The following COP1 variants were observed in gnomAD, a reference collection of about 807,000 sequenced individuals.
COP1 encodes the protein E3 ubiquitin-protein ligase COP1.
In COP1, 24 loss-of-function variants were observed where a neutral mutation model predicts 101.3. The ratio of observed to expected loss-of-function variants is 0.24; its 90% CI spans 0.17 to 0.33. COP1 has a LOEUF of 0.33. Among genes scored for constraint, COP1 ranks in the 10% least tolerant of loss-of-function variants. The pLI, the probability that COP1 is intolerant of heterozygous loss-of-function variation, is 1.00. For synonymous variants in COP1, 347 were observed against 341.9 expected, an observed-to-expected ratio of 1.01 and a Z score of -0.17; for missense variants, 663 against 906.2, an observed-to-expected ratio of 0.73 and a Z score of 3.45.
intron 9 of COP1, among the ~76,000 whole-genome samples, chr1:176,091,644 T>C (rs1681338948): frequency 6.6e-6 from 1 of 152,036 alleles, no homozygotes; most frequent in South Asian, 2.1e-4. Context: ...GCTTAGATGA[T>C]AAGTGTGAAT....
intron 6 of COP1, among the ~76,000 whole-genome samples, chr1:176,139,385 T>C (rs533606408): frequency 4.6e-5 from 7 of 152,182 alleles, no homozygotes; most frequent in Non-Finnish European, 1.0e-4. Flanking sequence ...TCAGCCACTG[T>C]GGAGACCGGA....
intron 15 of COP1, among the ~76,000 whole-genome samples, chr1:176,004,728 T>C (rs1478983398): frequency 1.3e-5 from 2 of 148,668 alleles, no homozygotes; most frequent in African/African-American, 4.9e-5. Context: ...GATAAGCTTT[T>C]TGATGTGCTG....
intron 18 of COP1, among the ~76,000 whole-genome samples, chr1:175,986,673 A>T (rs1657199460): frequency 6.6e-6 from 1 of 152,190 alleles, no homozygotes; most frequent in African/African-American, 2.4e-5. Context: ...TATAGAAGAG[A>T]TATGAACAGA....
chr1:176,130,401 A>G (rs1185866273), intron 8 of COP1, among the ~76,000 whole-genome samples: 1 of 151,776 alleles, frequency 6.6e-6, no homozygotes, highest in East Asian at 1.9e-4. Flanking sequence ...ATGCAACAAT[A>G]AAATGTAAAC....
intron 11 of COP1, among the ~76,000 whole-genome samples, chr1:176,050,784 A>C (rs761748040): frequency 6.6e-6 from 1 of 152,200 alleles, no homozygotes; most frequent in Non-Finnish European, 1.5e-5. Context: ...ACAAGCTTCA[A>C]ATCTCCACTG....
chr1:175,984,718 G>GAGTCT (rs368693583), intron 18 of COP1, among the ~76,000 whole-genome samples: 1 of 152,342 alleles, frequency 6.6e-6, no homozygotes, highest in African/African-American at 2.4e-5. Context: ...CGCCACAGTG[G>GAGTCT]TGGAGGTCTC....
chr1:176,092,852 CAT>C (rs1347950940), intron 9 of COP1, among the ~76,000 whole-genome samples: 2 of 152,248 alleles, frequency 1.3e-5, no homozygotes, highest in Admixed American at 1.3e-4. Flanking sequence ...CTCCTAGGTA[CAT>C]ATCTAGGGAA....
At chr1:175,976,188 T>C (rs992358536) in intron 18 of COP1, among the ~76,000 whole-genome samples, 1 of 151,462 alleles carries the variant, frequency 6.6e-6, no homozygotes, top group Admixed American at 6.6e-5. Flanking sequence ...TTGGGAAAGG[T>C]ATAACTATTT....
chr1:176,096,150 A>T (rs987899875), intron 9 of COP1, among the ~76,000 whole-genome samples: 2 of 152,162 alleles, frequency 1.3e-5, no homozygotes, highest in African/African-American at 4.8e-5. Context: ...TGAACTAAGG[A>T]GAGAGTTCTG....
At chr1:176,082,934 C>T (rs936530541) in intron 10 of COP1, among the ~76,000 whole-genome samples, 2 of 152,084 alleles carry the variant, frequency 1.3e-5, no homozygotes, top group African/African-American at 4.8e-5. Flanking sequence ...TTCATCAAAA[C>T]ACCTAGATTT....
intron 2 of COP1, among the ~76,000 whole-genome samples, chr1:176,184,314 A>G (rs957527635): frequency 6.6e-6 from 1 of 152,166 alleles, no homozygotes; most frequent in Non-Finnish European, 1.5e-5. Flanking sequence ...CAAGTGAGTA[A>G]TTAGTGCTTC....
intron 3 of COP1, among the ~76,000 whole-genome samples, chr1:176,168,047 A>G (rs1558245906): frequency 6.6e-6 from 1 of 151,920 alleles, no homozygotes; most frequent in Non-Finnish European, 1.5e-5. Context: ...GAGAGGTAAG[A>G]AAATTCAATT....
At chr1:176,155,570 T>A (rs1485569005) in intron 5 of COP1, among the ~76,000 whole-genome samples, 1 of 151,946 alleles carries the variant, frequency 6.6e-6, no homozygotes, top group Non-Finnish European at 1.5e-5. Flanking sequence ...GCTGAACAAG[T>A]AATGGCTGAC....
At chr1:176,108,229 G>A (rs1684668288) in intron 9 of COP1, among the ~76,000 whole-genome samples, 2 of 152,124 alleles carry the variant, frequency 1.3e-5, no homozygotes, top group South Asian at 4.2e-4. Flanking sequence ...ACTCTATAAA[G>A]TTCATACATT....
Position 175,944,933 on chromosome 1 carries a change from C to A in COP1, c.*220G>T. 2.0e-6 allele frequency: 1 copy of A among 508,094 alleles called. No individual in the cohort carries two copies. The highest frequency in any genetic ancestry group is 3.5e-5 in the South Asian group (1 of 28,908). The allele number at this position is 508,094 out of a possible 1,614,324, so 31.5% of individuals were successfully genotyped here. On this transcript the variant is annotated 3_prime_UTR_variant, in exon 20 of 20. Coordinates refer to ENST00000367669, the MANE Select transcript of COP1 (RefSeq NM_022457.7). ...TAACACCACCAAGAGCAGCAATGTC[C>A]ATGGAGTTACATTGATGGTGGAGAG...
At chr1:176,120,414 A>T (rs149843047) in intron 8 of COP1, among the ~76,000 whole-genome samples, 58 of 151,954 alleles carry the variant, frequency 3.8e-4, no homozygotes, top group Non-Finnish European at 1.3e-4. Flanking sequence ...GTGACAGGGC[A>T]AGACTCTATC....
At chr1:175,957,481 C>G (rs1233042592) in intron 18 of COP1, among the ~76,000 whole-genome samples, 1 of 152,170 alleles carries the variant, frequency 6.6e-6, no homozygotes, top group African/African-American at 2.4e-5. Context: ...ATGTACTAGG[C>G]TATACCATCC....
chr1:176,151,179 G>C (rs1692371922), intron 5 of COP1, among the ~76,000 whole-genome samples: 1 of 151,096 alleles, frequency 6.6e-6, no homozygotes, highest in Admixed American at 6.6e-5. Context: ...TGATCATTTA[G>C]CCCAATTCTC....
chr1:176,031,799 C>T (rs1571807614), intron 14 of COP1, among the ~76,000 whole-genome samples: 2 of 152,054 alleles, frequency 1.3e-5, no homozygotes, highest in South Asian at 4.1e-4. Flanking sequence ...TTTTTCAGTT[C>T]GATTTTGAAA....
Sources: allele counts gnomAD v4.1 joint callset (sites outside exome capture counted in the v4.1 genomes callset), GRCh38; gene constraint gnomAD v4.1.1; transcripts MANE v1.5; gene names NCBI Gene and HGNC (gene_info 2026-07-23, HGNC 2026-07-21).